The following PHF21A variants were observed in gnomAD, a reference collection of about 807,000 sequenced individuals.
PHF21A encodes the protein BHC80a.
PHF21A carries 11 observed loss-of-function variants against 82.5 expected under a neutral mutation model. The observed-to-expected ratio is 0.13, with a 90% CI of 0.08 to 0.22. The LOEUF (loss-of-function observed/expected upper bound fraction) is 0.22, where lower values mean the gene tolerates loss of function less well. PHF21A is among the 10% of genes least tolerant of loss of function. The pLI is 1.00. For missense variants in PHF21A, 579 were observed against 837.8 expected (o/e 0.69, Z 3.81); for synonymous variants, 297 against 302.8 (o/e 0.98, Z 0.20).
At chr11:46,025,741 T>C (rs2095730364) in intron 6 of PHF21A, among the ~76,000 whole-genome samples, 1 of 152,186 alleles carries the variant, frequency 6.6e-6, no homozygotes, top group African/African-American at 2.4e-5. Flanking sequence ...TCTCTTGCTC[T>C]CTCCACAAAC....
At chr11:46,104,096 G>C (rs754136407) in intron 1 of PHF21A, among the ~76,000 whole-genome samples, 3 of 152,108 alleles carry the variant, frequency 2.0e-5, no homozygotes, top group Non-Finnish European at 4.4e-5. Flanking sequence ...GGCACCAAAT[G>C]AGAGGAAATT....
At chr11:46,039,586 C>T (rs933950738) in intron 6 of PHF21A, among the ~76,000 whole-genome samples, 6 of 152,144 alleles carry the variant, frequency 3.9e-5, no homozygotes, top group African/African-American at 7.2e-5. Flanking sequence ...TATACCCTAA[C>T]AGTCATATTC....
At chr11:46,029,905 G>A (rs1240489003) in intron 6 of PHF21A, among the ~76,000 whole-genome samples, 1 of 152,174 alleles carries the variant, frequency 6.6e-6, no homozygotes, top group African/African-American at 2.4e-5. Context: ...TAATTGGTAG[G>A]TAAAATACTT....
At chr11:46,063,630 C>A (rs1389741931) in intron 6 of PHF21A, among the ~76,000 whole-genome samples, 1 of 152,100 alleles carries the variant, frequency 6.6e-6, no homozygotes, top group African/African-American at 2.4e-5. Flanking sequence ...AATTTCTCTT[C>A]AGAAGGATAC....
intron 6 of PHF21A, among the ~76,000 whole-genome samples, chr11:46,019,316 T>C (rs1135457): frequency 3.4e-4 from 52 of 152,322 alleles, no homozygotes; most frequent in Non-Finnish European, 6.8e-4. Context: ...AAATTAAGTA[T>C]CATGTCAAAT....
intron 1 of PHF21A, among the ~76,000 whole-genome samples, chr11:46,097,640 T>C (rs560268505): frequency 6.6e-6 from 1 of 152,270 alleles, no homozygotes; most frequent in Admixed American, 6.5e-5. Flanking sequence ...TATCCAAATC[T>C]CACCCACACA....
rs1452859819 is a variant in PHF21A, at chr11:45,971,905, T to TTTTTTTTTTTTTTTTTTTTTA, written c.361-539_361-538insTAAAAAAAAAAAAAAAAAAAA. ...CTTTTTCTTTCTTTTTTTTTTTTTTTATGGTGTCACCCTGGAGAGAAGGAA... is the reference window on the plus strand; with the variant it reads ...CTTTTTCTTTCTTTTTTTTTTTTTTTTTTTTTTTTTTTTTTTTTTTAATGGTGTCACCCTGGAGAGAAGGAA... On this transcript the variant is annotated intron_variant, in intron 7 of 18. Transcript: ENST00000676320. 3.6e-4 allele frequency among the ~76,000 whole-genome samples: 32 copies of TTTTTTTTTTTTTTTTTTTTTA among 89,912 alleles called. 1 individual carries two copies. The highest frequency in any genetic ancestry group is 1.5e-3 in the East Asian group (2 of 1,336). 59.0% of individuals were successfully genotyped at this position (89,912 alleles called of 152,430 possible).
intron 6 of PHF21A, among the ~76,000 whole-genome samples, chr11:46,065,022 G>A (rs1032596657): frequency 1.3e-5 from 2 of 152,198 alleles, no homozygotes; most frequent in Non-Finnish European, 2.9e-5. Context: ...TATACCTTTA[G>A]ATATACATTA....
At chr11:45,981,856 T>C (rs1274139250) in intron 6 of PHF21A, among the ~76,000 whole-genome samples, 3 of 151,968 alleles carry the variant, frequency 2.0e-5, no homozygotes, top group Non-Finnish European at 4.4e-5. Flanking sequence ...TAAAATGAAT[T>C]TCTAAAATCT....
intron 5 of PHF21A, 42 bp from the exon 6 acceptor site, chr11:46,076,861 T>G (rs753721014): frequency 1.3e-6 from 2 of 1,484,370 alleles, no homozygotes; most frequent in South Asian, 2.3e-5. Flanking sequence ...GATATTTCAT[T>G]TGTTAACAGA....
chr11:46,106,920 C>T (rs1407243904), intron 1 of PHF21A, among the ~76,000 whole-genome samples: 1 of 152,212 alleles, frequency 6.6e-6, no homozygotes, highest in Non-Finnish European at 1.5e-5. Flanking sequence ...CAGCCTTTCA[C>T]AGAAAGAAAG....
intron 12 of PHF21A, among the ~76,000 whole-genome samples, chr11:45,949,727 T>C (rs1452858300): frequency 6.6e-6 from 1 of 152,192 alleles, no homozygotes; most frequent in African/African-American, 2.4e-5. Flanking sequence ...TAGACAACAC[T>C]TGTAAACAAG....
At chr11:46,034,222 C>T (rs2095934440) in intron 6 of PHF21A, among the ~76,000 whole-genome samples, 1 of 124,706 alleles carries the variant, frequency 8.0e-6, no homozygotes, top group South Asian at 2.5e-4. Context: ...AGTGCCCCCA[C>T]CCCCCCCTTG....
chr11:46,107,834 C>T (rs1593327865), intron 1 of PHF21A, among the ~76,000 whole-genome samples: 2 of 152,020 alleles, frequency 1.3e-5, no homozygotes, highest in African/African-American at 4.8e-5. Flanking sequence ...AAATGAACAG[C>T]ACTCAAATAA....
At chr11:45,989,016 C>A (rs976516477) in intron 6 of PHF21A, among the ~76,000 whole-genome samples, 4 of 152,028 alleles carry the variant, frequency 2.6e-5, no homozygotes, top group African/African-American at 9.7e-5. Context: ...AAAAAATGAA[C>A]AATGTTATAA....
intron 18 of PHF21A, 92 bp from the exon 19 acceptor site, chr11:45,934,317 G>T (rs903753167): frequency 1.6e-6 from 2 of 1,287,720 alleles, no homozygotes; most frequent in Non-Finnish European, 2.1e-6. Flanking sequence ...TCTCTGCCCA[G>T]GGAGAAGAAG....
chr11:45,997,787 T>C (rs1383637385), intron 6 of PHF21A, among the ~76,000 whole-genome samples: 2 of 152,206 alleles, frequency 1.3e-5, no homozygotes, highest in Non-Finnish European at 2.9e-5. Context: ...AACCTGCTGC[T>C]GGGCAGACCT....
intron 6 of PHF21A, among the ~76,000 whole-genome samples, chr11:46,017,492 T>C (rs1443027432): frequency 6.6e-6 from 1 of 151,898 alleles, no homozygotes; most frequent in East Asian, 1.9e-4. Context: ...TGTCTCCCTG[T>C]GGTGGTAGGA....
chr11:46,072,523 G>A (rs1333340908), intron 6 of PHF21A, among the ~76,000 whole-genome samples: 1 of 152,146 alleles, frequency 6.6e-6, no homozygotes, highest in Admixed American at 6.5e-5. Context: ...TAGCCCTAGG[G>A]GGACCTATAG....
Sources: gnomAD v4.1 joint callset for allele counts (sites outside exome capture counted in the v4.1 genomes callset) on GRCh38, gnomAD v4.1.1 for gene constraint, MANE v1.5 for transcripts, NCBI Gene and HGNC (gene_info 2026-07-23, HGNC 2026-07-21) for gene names.